Variants in STRN4 observed in about 807,000 individuals in gnomAD.
STRN4 encodes the protein striatin-4.
STRN4 carries 27 observed loss-of-function variants against 77.9 expected under a neutral mutation model. The ratio of observed to expected loss-of-function variants is 0.35; its 90% CI spans 0.26 to 0.48. The LOEUF (loss-of-function observed/expected upper bound fraction) is 0.48. STRN4 is among the 20% of genes least tolerant of loss of function. The pLI is 0.99. For synonymous variants in STRN4, 466 were observed against 443.1 expected, an observed-to-expected ratio of 1.05 and a Z score of -0.65; for missense variants, 798 against 1,049.7, an observed-to-expected ratio of 0.76 and a Z score of 3.31.
At position 46,728,888 on chromosome 19, in the gene STRN4, G is replaced by C; in HGVS notation, c.880-111C>G. On this transcript the variant is annotated intron_variant, in intron 6 of 17. Transcript: ENST00000263280. ...GGCTCTGGGCCCGTTTCTGTTCATG[G>C]GGCTGCCTCAGCCGCCAGCCAGCTG... is the stretch of plus-strand genomic sequence containing the variant. 2 of 1,468,736 alleles carry C rather than the reference G, an allele frequency of 1.4e-6. 1 individual carries two copies. Among genetic ancestry groups the C allele is most frequent in the South Asian group, 2.6e-5 (2 of 76,268 alleles). 91.0% of individuals were successfully genotyped at this position (1,468,736 alleles called of 1,614,324 possible).
At chr19:46,743,642 G>C (rs1241297912) in intron 1 of STRN4, among the ~76,000 whole-genome samples, 1 of 152,206 alleles carries the variant, frequency 6.6e-6, no homozygotes, top group Non-Finnish European at 1.5e-5. Context: ...GCTTATGCCT[G>C]TAATCCCAGC....
At chr19:46,734,389 C>T (rs1481977048) in intron 4 of STRN4, among the ~76,000 whole-genome samples, 2 of 152,190 alleles carry the variant, frequency 1.3e-5, no homozygotes, top group Non-Finnish European at 2.9e-5. Flanking sequence ...ATTGTTTGCA[C>T]ACACTTTAAG....
chr19:46,728,332 C>A, intron 7 of STRN4: 1 of 586,544 alleles, frequency 1.7e-6, no homozygotes, highest in Non-Finnish European at 3.0e-6. Flanking sequence ...TCATCCTGTT[C>A]CCTCCTTGAG....
Position 46,741,651 on chromosome 19 carries a change from A to G in STRN4, c.283-2763T>C, listed in dbSNP as rs142243378. 1.6e-4 allele frequency among the ~76,000 whole-genome samples: 25 copies of G among 152,314 alleles called. No individual in the cohort carries two copies. In the East Asian group the frequency reaches 3.7e-3, roughly 22 times the overall value. ...TGCCACTCCCTCTAGCCAGAGCCGC[A>G]GAGCATGCGCTCCCAAAACCTTCTG... On this transcript the variant is annotated intron_variant, in intron 1 of 17. Transcript: ENST00000263280. The surrounding 1 kb of genome is among the most constrained non-coding windows in gnomAD (Gnocchi z 4.9).
intron 1 of STRN4, chr19:46,745,782 C>T (rs969019390): frequency 6.0e-5 from 11 of 183,570 alleles, no homozygotes; most frequent in Non-Finnish European, 1.0e-4. Context: ...CTTAGCCTCC[C>T]CTCCAGGGCT....
chr19:46,720,920 C>G, intron 16 of STRN4, 149 bp from the exon 17 acceptor site: 1 of 927,278 alleles, frequency 1.1e-6, no homozygotes, highest in Non-Finnish European at 1.5e-6. Flanking sequence ...CCTCCTGTGG[C>G]CCGCCCAAAG....
In STRN4 at chr19:46,733,925, T is replaced by G. The variant is rs2054306575; in HGVS notation, c.540-689A>C. The stretch of plus-strand genomic sequence containing the variant: ...AAAAAGAACAAAAATCAATTTGGGG[T>G]ATCTGTGGCTTCAAAATACAGCGAC... On this transcript the variant is annotated intron_variant, in intron 4 of 17. Coordinates refer to ENST00000263280, the MANE Select transcript of STRN4 (RefSeq NM_013403.3). This position sits in a 1 kb window ranked among gnomAD's most constrained non-coding sequence, Gnocchi z 4.3. 1 of 152,074 alleles carries G rather than the reference T, an allele frequency of 6.6e-6. No individual in the cohort carries two copies. 9.4% of individuals were successfully genotyped at this position (152,074 alleles called of 1,614,324 possible). A position where few individuals can be genotyped will look rare whatever the true frequency, so the allele number is the denominator to read the frequency against.
At chr19:46,727,413 GC>G in intron 9 of STRN4, 38 bp downstream of exon 9, 1 of 1,568,064 alleles carries the variant, frequency 6.4e-7, no homozygotes, top group Non-Finnish European at 8.8e-7. Flanking sequence ...TGGGCGCAAT[GC>G]CAATGGGGAC....
rs2054469565 is a variant in STRN4, at chr19:46,741,307, T to A, written c.283-2419A>T. On this transcript the variant is annotated intron_variant, in intron 1 of 17. Coordinates refer to ENST00000263280, the MANE Select transcript of STRN4 (RefSeq NM_013403.3). The surrounding 1 kb of genome is among the most constrained non-coding windows in gnomAD (Gnocchi z 4.9). The stretch of plus-strand genomic sequence containing the variant: ...GAGTTGGGCATCCCAACCAGACCTG[T>A]CACTGGCTGGGTTCCCCCTTCATCC... Among the ~76,000 whole-genome samples the A allele has an allele frequency of 6.6e-6, 1 of 152,196 alleles. No homozygotes were observed. Among genetic ancestry groups the A allele is most frequent in the African/African-American group, 2.4e-5 (1 of 41,444 alleles).
rs1733972759 is a variant in STRN4, at chr19:46,720,654, T to C, written c.2210A>G (p.Lys737Arg). The change falls in exon 17 of 18, where the codon AAG becomes AGG. Residue 737 changes from lysine to arginine, a missense_variant. Physicochemically the swap from Lys to Arg is conservative, Grantham distance 26 (BLOSUM62 2). Transcript: ENST00000263280. Reference protein sequence around the residue: ...AIHAVACHPSKALIASAGADA... With the variant: ...AIHAVACHPSRALIASAGADA... ...AGCGCCAGCACTGGCAATGAGGGCC[T>C]TGCTGGGGTGGCAGGCAACAGCGTG... 2 of 1,609,452 alleles carry C rather than the reference T, an allele frequency of 1.2e-6. No homozygotes were observed. Among genetic ancestry groups the C allele is most frequent in the African/African-American group, 1.3e-5 (1 of 74,972 alleles).
chr19:46,720,910 C>T, intron 16 of STRN4, 139 bp from the exon 17 acceptor site: 1 of 992,136 alleles, frequency 1.0e-6, no homozygotes, highest in Non-Finnish European at 1.4e-6. Context: ...CTGCTCATCA[C>T]CTCCTGTGGC....
At chr19:46,731,076 C>T (rs1404655225) in intron 5 of STRN4, 3 of 731,862 alleles carry the variant, frequency 4.1e-6, no homozygotes, top group Non-Finnish European at 6.5e-6. Context: ...AAGCCTCACT[C>T]AGACCGCAAA....
At chr19:46,743,098 A>T (rs1043712993) in intron 1 of STRN4, among the ~76,000 whole-genome samples, 1 of 152,244 alleles carries the variant, frequency 6.6e-6, no homozygotes, top group African/African-American at 2.4e-5. Flanking sequence ...AGGAAAACCA[A>T]AACAGATTAT....
intron 7 of STRN4, chr19:46,728,235 C>A: frequency 1.5e-6 from 1 of 647,978 alleles, no homozygotes; most frequent in South Asian, 1.7e-5. Context: ...CCACCCATCC[C>A]ACGTATCCTG....
intron 9 of STRN4, 39 bp downstream of exon 9, chr19:46,727,413 G>A: frequency 6.4e-7 from 1 of 1,568,064 alleles, no homozygotes; most frequent in Non-Finnish European, 8.8e-7. Context: ...TGGGCGCAAT[G>A]CCAATGGGGA....
In STRN4 at chr19:46,736,808, C is replaced by T; in HGVS notation, c.539+15G>A. On this transcript the variant is annotated intron_variant, in intron 4 of 17. Transcript: ENST00000263280. ...GTGTCACGTGTCCCCAGCCCCCCTC[C>T]CCGAGCACACTCACTGTCGGAGAAG... 1 of 1,612,114 alleles carries T rather than the reference C, an allele frequency of 6.2e-7. No homozygotes were observed. The highest frequency in any genetic ancestry group is 8.5e-7 in the Non-Finnish European group (1 of 1,178,936).
rs768572750 is a variant in STRN4 at position 46,723,147 on chromosome 19, G to GGCT, written c.1729_1731dup (p.Ser577dup). The GGCT allele has an allele frequency of 3.2e-6, 5 of 1,566,980 alleles. No homozygotes were observed. The African/African-American group carries it at 4.1e-5, about 13-fold the overall frequency. On this transcript the variant is annotated inframe_insertion, in exon 13 of 18. Coordinates refer to ENST00000263280, the MANE Select transcript of STRN4 (RefSeq NM_013403.3). The surrounding 1 kb of genome is among the most constrained non-coding windows in gnomAD (Gnocchi z 5.5). The stretch of plus-strand genomic sequence containing the variant: ...GTGGGGAAGGTGCAGAGGCAGGCCG[G>GGCT]GCTGCTGCTGCTGGGGTCCCAGATG...
chr19:46,744,346 A>AG (rs1391424041), intron 1 of STRN4, among the ~76,000 whole-genome samples: 8 of 152,160 alleles, frequency 5.3e-5, no homozygotes, highest in Non-Finnish European at 1.2e-4. Flanking sequence ...AAGTGAGGGC[A>AG]GGGGGAGAGT....
Position 46,720,552 on chromosome 19 carries a change from C to T in STRN4, c.*50G>A, listed in dbSNP as rs749726325. On this transcript the variant is annotated 3_prime_UTR_variant, in exon 17 of 18. Coordinates refer to ENST00000263280, the MANE Select transcript of STRN4 (RefSeq NM_013403.3). Reference sequence around the variant, plus strand: ...TGCCCTCACCTCAGCCCCACCTGCCCGGCCCTACACCCCAGCCAGCGTGGC... The same window carrying T: ...TGCCCTCACCTCAGCCCCACCTGCCTGGCCCTACACCCCAGCCAGCGTGGC... 3.6e-5 allele frequency: 53 copies of T among 1,489,426 alleles called. No homozygotes were observed. The highest frequency in any genetic ancestry group is 4.4e-5 in the Admixed American group (2 of 45,710). 92.3% of individuals were successfully genotyped at this position (1,489,426 alleles called of 1,614,324 possible).
Sources: gnomAD v4.1 joint callset for allele counts (sites outside exome capture counted in the v4.1 genomes callset) on GRCh38, gnomAD v4.1.1 for gene constraint, Gnocchi (gnomAD v3.1) non-coding constraint, MANE v1.5 for transcripts, NCBI Gene and HGNC (gene_info 2026-07-23, HGNC 2026-07-21) for gene names.